Variants in DNAH14 observed in about 807,000 individuals in gnomAD.
DNAH14 encodes dynein axonemal heavy chain 14.
A neutral mutation model predicts 520.9 loss-of-function variants in DNAH14; 478 were observed. That is an observed-to-expected ratio of 0.92 (90% CI 0.85 to 0.99). DNAH14 has a LOEUF of 0.99. Ranked by LOEUF, DNAH14 falls within the 50% of genes least tolerant of loss-of-function variation. The pLI is 0.00. For missense variants in DNAH14, 4,831 were observed against 5,234.5 expected (o/e 0.92, Z 2.38); for synonymous variants, 1,581 against 1,757.2 (o/e 0.90, Z 2.51).
At chr1:225,393,977 C>A (rs139546981) in intron 84 of DNAH14, among the ~76,000 whole-genome samples, 2 of 151,960 alleles carry the variant, frequency 1.3e-5, no homozygotes, top group Non-Finnish European at 2.9e-5. Context: ...CACCACCACA[C>A]CCGGCTAATA....
At chr1:224,987,118 AAGAGAC>A (rs58030730) in intron 8 of DNAH14, among the ~76,000 whole-genome samples, 83,582 of 150,042 alleles carry the variant, frequency 0.56, 23,564 homozygotes, top group East Asian at 0.84. Flanking sequence ...GAGAGAGAGA[AAGAGAC>A]AGAGACAGAG....
At chr1:225,324,613 C>T in intron 63 of DNAH14, 124 bp from the exon 64 acceptor site, 2 of 975,024 alleles carry the variant, frequency 2.1e-6, no homozygotes, top group Non-Finnish European at 3.0e-6. Flanking sequence ...CCCACATATA[C>T]ATATAGTTCT....
At chr1:225,391,043 T>C (rs2095904016) in intron 83 of DNAH14, among the ~76,000 whole-genome samples, 1 of 152,150 alleles carries the variant, frequency 6.6e-6, no homozygotes, top group Non-Finnish European at 1.5e-5. Flanking sequence ...GCATTCTTAC[T>C]AGAGAAAACA....
chr1:225,354,900 T>A (rs2095413072), intron 73 of DNAH14, among the ~76,000 whole-genome samples: 1 of 151,908 alleles, frequency 6.6e-6, no homozygotes, highest in Admixed American at 6.6e-5. Flanking sequence ...TTAAAAATTC[T>A]CTCTATGTAG....
intron 7 of DNAH14, among the ~76,000 whole-genome samples, chr1:224,972,919 C>T (rs1162482958): frequency 6.6e-6 from 1 of 152,134 alleles, no homozygotes; most frequent in Admixed American, 6.5e-5. Flanking sequence ...CATCGTTTTA[C>T]CTCATGAAAC....
intron 75 of DNAH14, among the ~76,000 whole-genome samples, chr1:225,364,220 T>A (rs917344122): frequency 6.6e-6 from 1 of 152,194 alleles, no homozygotes; most frequent in African/African-American, 2.4e-5. Flanking sequence ...GTGGGAACTT[T>A]CAGACCATGT....
At chr1:224,994,258 T>A (rs920343363) in intron 8 of DNAH14, among the ~76,000 whole-genome samples, 1 of 152,048 alleles carries the variant, frequency 6.6e-6, no homozygotes, top group African/African-American at 2.4e-5. Context: ...GATCTGTCCA[T>A]TGTTGAAAAT....
intron 55 of DNAH14, among the ~76,000 whole-genome samples, chr1:225,290,921 AT>A (rs1357963974): frequency 1.3e-5 from 2 of 151,536 alleles, no homozygotes; most frequent in Non-Finnish European, 2.9e-5. Flanking sequence ...ATAATATATT[AT>A]TGTTATGTAT....
At chr1:224,953,647 T>C (rs948087378) in intron 2 of DNAH14, among the ~76,000 whole-genome samples, 1 of 152,214 alleles carries the variant, frequency 6.6e-6, no homozygotes, top group South Asian at 2.1e-4. Context: ...ATATTCATTT[T>C]AAGTGAACAT....
intron 1 of DNAH14, among the ~76,000 whole-genome samples, chr1:224,946,880 G>C (rs12566396): frequency 0.062 from 7,826 of 125,836 alleles, 446 homozygotes; most frequent in East Asian, 0.26. Flanking sequence ...CAACTGATTT[G>C]ATATGTTACT....
At chr1:225,073,636 GTTGTTGTTGTTGTTGTTTTCAGTTTT>G (rs1244412019) in intron 17 of DNAH14, among the ~76,000 whole-genome samples, 7 of 151,534 alleles carry the variant, frequency 4.6e-5, no homozygotes, top group African/African-American at 1.7e-4. Context: ...TAGGAAGTTT[GTTGTTGTTGTTGTTGTTTTCAGTTTT>G]TTGTTGTTGT....
chr1:225,252,756 G>A (rs2092603558), intron 44 of DNAH14, among the ~76,000 whole-genome samples: 1 of 152,060 alleles, frequency 6.6e-6, no homozygotes, highest in Non-Finnish European at 1.5e-5. Context: ...CTTGTAAAAT[G>A]TGAAAAACAT....
intron 42 of DNAH14, among the ~76,000 whole-genome samples, chr1:225,235,717 C>T (rs1011036807): frequency 3.9e-5 from 6 of 152,048 alleles, no homozygotes; most frequent in Non-Finnish European, 7.4e-5. Flanking sequence ...GATTTCAGAA[C>T]TCATTATTGG....
chr1:225,086,816 G>A (rs2073859211), intron 21 of DNAH14, among the ~76,000 whole-genome samples: 1 of 152,126 alleles, frequency 6.6e-6, no homozygotes, highest in South Asian at 2.1e-4. Context: ...GGAAATGTAA[G>A]CTAATTTTTT....
In DNAH14 at chr1:225,353,841, A is replaced by C; in HGVS notation, c.11572A>C (p.Ile3858Leu). ...LNENKETCNPINFPWEKLTSF... is the reference protein window; with the variant it reads ...LNENKETCNPLNFPWEKLTSF... ...TGAAAATAAAGAAACGTGTAATCCTATAAATTTTCCCTGGGAGAAACTCAC... is the reference window on the plus strand; with the variant it reads ...TGAAAATAAAGAAACGTGTAATCCTCTAAATTTTCCCTGGGAGAAACTCAC... Residue 3858 changes from isoleucine (I) to leucine (L), a missense_variant, in exon 73 of 86, where the codon ATA becomes CTA. Ile to Leu is a conservative substitution (Grantham distance 5). Coordinates refer to ENST00000682510, the MANE Select transcript of DNAH14 (RefSeq NM_001367479.1). The C allele has an allele frequency of 6.6e-7, 1 of 1,521,778 alleles. No individual in the cohort carries two copies. Among genetic ancestry groups the C allele is most frequent in the Non-Finnish European group, 8.9e-7 (1 of 1,125,120 alleles). 94.3% of individuals were successfully genotyped at this position (1,521,778 alleles called of 1,614,324 possible).
At chr1:225,342,878 C>T (rs1343524459) in intron 69 of DNAH14, among the ~76,000 whole-genome samples, 1 of 151,642 alleles carries the variant, frequency 6.6e-6, no homozygotes, top group Non-Finnish European at 1.5e-5. Flanking sequence ...CACACTTGCC[C>T]TCTTGCCCCT....
chr1:225,171,729 C>T (rs560944186), intron 36 of DNAH14, among the ~76,000 whole-genome samples: 1 of 152,250 alleles, frequency 6.6e-6, no homozygotes, highest in African/African-American at 2.4e-5. Flanking sequence ...GAAACTATTC[C>T]AATCAATAGA....
chr1:225,114,414 C>T lies in DNAH14; in HGVS notation c.3868-3270C>T, dbSNP rs77445396. Among the ~76,000 whole-genome samples the T allele has an allele frequency of 8.4e-3, 1,283 of 152,220 alleles. 7 individuals carry two copies. The highest frequency in any genetic ancestry group is 0.015 in the Non-Finnish European group (1,011 of 68,004). ...CTCTCCTGTCCTGAAGTGGAGGTAACAAGTCTCTTTTGGAGCTGGGAGCTG... is the reference window on the plus strand; with the variant it reads ...CTCTCCTGTCCTGAAGTGGAGGTAATAAGTCTCTTTTGGAGCTGGGAGCTG... On this transcript the variant is annotated intron_variant, in intron 23 of 85. Transcript: ENST00000682510.
intron 39 of DNAH14, among the ~76,000 whole-genome samples, chr1:225,205,094 C>T (rs189001891): frequency 1.3e-5 from 2 of 152,258 alleles, no homozygotes; most frequent in South Asian, 4.2e-4. Flanking sequence ...ATTCATACCT[C>T]CCCTATCCTG....
Sources: gnomAD v4.1 joint callset for allele counts (sites outside exome capture counted in the v4.1 genomes callset) on GRCh38, gnomAD v4.1.1 for gene constraint, MANE v1.5 for transcripts, NCBI Gene and HGNC (gene_info 2026-07-23, HGNC 2026-07-21) for gene names.